Variants in LRRC39 observed in about 807,000 individuals in gnomAD.
LRRC39 encodes the protein leucine rich repeat containing 39.
Under a neutral mutation model 39.7 loss-of-function variants are expected in LRRC39, and 35 were observed. The ratio of observed to expected loss-of-function variants is 0.88; its 90% CI spans 0.67 to 1.17. The LOEUF is 1.17. Ranked by LOEUF, LRRC39 falls within the 50% of genes most tolerant of loss-of-function variation. The pLI, the probability that LRRC39 is intolerant of heterozygous loss-of-function variation, is 0.00. For synonymous variants in LRRC39, 113 were observed against 134.1 expected (o/e 0.84, Z 1.09); for missense variants, 357 against 385.8 (o/e 0.93, Z 0.62).
At chr1:100,161,848 T>C (rs1427613453) in intron 3 of LRRC39, among the ~76,000 whole-genome samples, 2 of 152,140 alleles carry the variant, frequency 1.3e-5, no homozygotes, top group Non-Finnish European at 2.9e-5. Flanking sequence ...GGTTTTGCCA[T>C]GTTGCCCAGG....
In LRRC39 at chr1:100,149,110, T is replaced by A; in HGVS notation, c.953-13A>T. 1 of 1,596,034 alleles carries A rather than the reference T, an allele frequency of 6.3e-7. No individual in the cohort carries two copies. The highest frequency in any genetic ancestry group is 8.5e-7 in the Non-Finnish European group (1 of 1,174,550). The stretch of plus-strand genomic sequence containing the variant: ...TTGACTTGGTGATCTGAAACATACA[T>A]AACATGTCAACACATAATTAGCGTA... On this transcript the variant is annotated splice_polypyrimidine_tract_variant and intron_variant, in intron 9 of 9. Coordinates refer to ENST00000370137, the MANE Select transcript of LRRC39 (RefSeq NM_144620.4).
chr1:100,176,596 C>T (rs1384660209), intron 1 of LRRC39, among the ~76,000 whole-genome samples: 4 of 152,134 alleles, frequency 2.6e-5, no homozygotes, highest in African/African-American at 9.7e-5. Flanking sequence ...GAGGAAGACA[C>T]TGTACAAGAA....
At chr1:100,150,865 C>T (rs928576948) in intron 9 of LRRC39, among the ~76,000 whole-genome samples, 15 of 152,106 alleles carry the variant, frequency 9.9e-5, no homozygotes, top group Admixed American at 6.5e-4. Context: ...TGGTGGCTTA[C>T]ACCTGTAATC....
Position 100,155,136 on chromosome 1 carries a change from T to G in LRRC39, c.727A>C (p.Asn243His). 1.2e-6 allele frequency: 2 copies of G among 1,610,968 alleles called. No homozygotes were observed. The highest frequency in any genetic ancestry group is 1.7e-6 in the Non-Finnish European group (2 of 1,178,728). The change falls in exon 8 of 10, where the codon AAT (asparagine) becomes CAT (histidine). Residue 243 changes from asparagine (N) to histidine (H), a missense_variant. By Grantham distance (68) the Asn-to-His change is moderately conservative. Transcript: ENST00000370137. ...ACAAGAGTACCCAGATTTTTCATAT[T>G]GCTGATTGTTTGAGGCAAGCATGTT... The part of the protein sequence containing the change: ...EITCLPQTIS[N>H]MKNLGTLVLS...
At chr1:100,178,847 G>GC (rs1660116330), upstream of LRRC39, among the ~76,000 whole-genome samples, 1 of 151,906 alleles carries the variant, frequency 6.6e-6, no homozygotes, top group African/African-American at 2.4e-5. Context: ...CACCATCCCT[G>GC]CCTCCAGTAG....
chr1:100,156,452 C>T lies in LRRC39; in HGVS notation c.514-135G>A, dbSNP rs140393098. 0.023 allele frequency: 16,771 copies of T among 730,846 alleles called. 267 individuals are homozygous for T. Among genetic ancestry groups the T allele is most frequent in the Non-Finnish European group, 0.027 (13,369 of 499,550 alleles). 45.3% of individuals were successfully genotyped at this position (730,846 alleles called of 1,614,324 possible). On this transcript the variant is annotated intron_variant, in intron 6 of 9. Coordinates refer to ENST00000370137, the MANE Select transcript of LRRC39 (RefSeq NM_144620.4). ...TGGGCTTTATTTAGTCATATTAGTC[C>T]GCAACAAATTAAAAATAAATATAAA...
intron 6 of LRRC39, 101 bp downstream of exon 6, chr1:100,158,130 T>C (rs1658585322): frequency 1.7e-5 from 22 of 1,291,234 alleles, no homozygotes; most frequent in Admixed American, 2.3e-5. Flanking sequence ...CTGAAATACA[T>C]AGAATTTTCT....
intron 8 of LRRC39, 83 bp from the exon 9 acceptor site, chr1:100,152,607 T>C: frequency 2.1e-6 from 3 of 1,403,142 alleles, no homozygotes; most frequent in Non-Finnish European, 2.9e-6. Context: ...CAAATGATAA[T>C]ATACTAAATT....
intron 2 of LRRC39, among the ~76,000 whole-genome samples, chr1:100,169,049 T>C (rs61093274): frequency 0.02 from 3,059 of 152,086 alleles, 118 homozygotes; most frequent in African/African-American, 0.07. Context: ...GTAAAATAAA[T>C]TGCAAATGGA....
At chr1:100,151,385 CCT>C (rs1657999830) in intron 9 of LRRC39, among the ~76,000 whole-genome samples, 1 of 151,992 alleles carries the variant, frequency 6.6e-6, no homozygotes, top group Admixed American at 6.6e-5. Context: ...GACTTTTTTG[CCT>C]GTCTTCCCCC....
Position 100,165,406 on chromosome 1 carries a change from A to T in LRRC39, c.113+2998T>A, listed in dbSNP as rs544254681. Among the ~76,000 whole-genome samples the T allele has an allele frequency of 2.4e-4, 36 of 152,242 alleles. 1 individual carries two copies. In the South Asian group the frequency reaches 6.4e-3, roughly 27 times the overall value. ...AAGTGATTCTTAATTAATGACAAAG[A>T]TCCCTTTTATCAAAACTTTAGCCAG... is the stretch of plus-strand genomic sequence containing the variant. On this transcript the variant is annotated intron_variant, in intron 3 of 9. Transcript: ENST00000370137.
At chr1:100,155,546 T>C (rs1396230551) in intron 7 of LRRC39, among the ~76,000 whole-genome samples, 31 of 152,212 alleles carry the variant, frequency 2.0e-4, no homozygotes, top group Admixed American at 2.0e-3. Context: ...CATATGGCAA[T>C]AGAAATGAAA....
intron 8 of LRRC39, among the ~76,000 whole-genome samples, chr1:100,153,418 A>G (rs1658201000): frequency 6.6e-6 from 1 of 152,232 alleles, no homozygotes; most frequent in South Asian, 2.1e-4. Context: ...TGAAGACCTC[A>G]AAAGCAAACA....
At chr1:100,172,468 CTT>C (rs1478631145) in intron 2 of LRRC39, among the ~76,000 whole-genome samples, 18 of 151,456 alleles carry the variant, frequency 1.2e-4, no homozygotes, top group African/African-American at 7.3e-5. Flanking sequence ...GGGCAGATCA[CTT>C]GAGGTCAGGT....
chr1:100,165,056 A>T lies in LRRC39; in HGVS notation c.113+3348T>A, dbSNP rs527849365. Among the ~76,000 whole-genome samples, 50 of 152,278 alleles carry T rather than the reference A, an allele frequency of 3.3e-4. 1 individual carries two copies. In the South Asian group the frequency reaches 1.0e-2, roughly 30 times the overall value. On this transcript the variant is annotated intron_variant, in intron 3 of 9. Transcript: ENST00000370137. ...GTTTTAAACCTAACCTTTGATCTCT[A>T]TATAATTTACTTTTAAAGTAGTTTA... is the stretch of plus-strand genomic sequence containing the variant.
chr1:100,168,709 C>T (rs1180119452), intron 2 of LRRC39, 115 bp from the exon 3 acceptor site: 2 of 484,176 alleles, frequency 4.1e-6, no homozygotes, highest in East Asian at 3.6e-5. Flanking sequence ...ATTTTATATA[C>T]TTTACATGCC....
intron 1 of LRRC39, among the ~76,000 whole-genome samples, chr1:100,176,257 T>C (rs1379524807): frequency 1.3e-5 from 2 of 152,068 alleles, no homozygotes; most frequent in African/African-American, 4.8e-5. Flanking sequence ...TGAAACCCCG[T>C]CTCTACTAAA....
intron 9 of LRRC39, chr1:100,149,738 CTA>C (rs1657769562): frequency 4.4e-6 from 1 of 225,002 alleles, no homozygotes; most frequent in African/African-American, 2.4e-5. Flanking sequence ...CAAGAAAATA[CTA>C]AACCAAATAT....
chr1:100,154,187 T>G (rs867127724), intron 8 of LRRC39, among the ~76,000 whole-genome samples: 1 of 152,150 alleles, frequency 6.6e-6, no homozygotes, highest in Non-Finnish European at 1.5e-5. Context: ...CAAAAATGTC[T>G]AATGTATTCA....
Sources: gnomAD v4.1 joint callset for allele counts (sites outside exome capture counted in the v4.1 genomes callset) on GRCh38, gnomAD v4.1.1 for gene constraint, MANE v1.5 for transcripts, NCBI Gene and HGNC (gene_info 2026-07-23, HGNC 2026-07-21) for gene names.